NELL2: variants seen among roughly 807,000 people sequenced by gnomAD.
NELL2 encodes neural EGFL like 2, also known as protein kinase C-binding protein NELL2.
A neutral mutation model predicts 109.6 loss-of-function variants in NELL2; 41 were observed. The observed-to-expected ratio is 0.37, with a 90% CI of 0.29 to 0.49. The LOEUF (loss-of-function observed/expected upper bound fraction) is 0.49. NELL2 is among the 20% of genes least tolerant of loss of function. The pLI is 0.98. For synonymous variants in NELL2, 355 were observed against 344.7 expected (o/e 1.03, Z -0.33); for missense variants, 900 against 1,008.3 (o/e 0.89, Z 1.45).
chr12:44,808,107 T>C lies in NELL2; in HGVS notation c.335+7879A>G, dbSNP rs752548967. On this transcript the variant is annotated intron_variant, in intron 3 of 19. Coordinates refer to ENST00000429094, the MANE Select transcript of NELL2 (RefSeq NM_001145108.2). ...ACCCAAAATGTGTAATGAAAGTGAA[T>C]ATGGGCTGGTTAGTCTATGGGCTGC... Among the ~76,000 whole-genome samples, 276 of 152,138 alleles carry C rather than the reference T, an allele frequency of 1.8e-3. 5 individuals are homozygous for C. The highest frequency in any genetic ancestry group is 2.2e-4 in the Non-Finnish European group (15 of 67,962).
Position 44,622,112 on chromosome 12 carries a change from G to A in NELL2, c.1445-11142C>T, listed in dbSNP as rs1033915476. Among the ~76,000 whole-genome samples the A allele has an allele frequency of 4.6e-5, 7 of 152,220 alleles. No individual in the cohort carries two copies. In the South Asian group the frequency reaches 1.5e-3, roughly 32 times the overall value. On this transcript the variant is annotated intron_variant, in intron 13 of 19. Transcript: ENST00000429094. The stretch of plus-strand genomic sequence containing the variant: ...GATACATATGGATGAATCAATGATG[G>A]TTAGGCTCCAACAGATACAAAATCA...
At chr12:44,689,896 T>C (rs1313467138) in intron 12 of NELL2, among the ~76,000 whole-genome samples, 1 of 152,160 alleles carries the variant, frequency 6.6e-6, no homozygotes, top group East Asian at 1.9e-4. Flanking sequence ...TGAGAAACCC[T>C]GGTTAAAACA....
intron 1 of NELL2, among the ~76,000 whole-genome samples, chr12:44,902,561 T>A (rs1364688010): frequency 6.6e-6 from 1 of 152,112 alleles, no homozygotes; most frequent in Non-Finnish European, 1.5e-5. Context: ...ACTTTAAATT[T>A]CATATGGAAC....
At chr12:44,620,672 C>T (rs753682000) in intron 13 of NELL2, among the ~76,000 whole-genome samples, 1 of 151,936 alleles carries the variant, frequency 6.6e-6, no homozygotes, top group Non-Finnish European at 1.5e-5. Flanking sequence ...ACCATAGACT[C>T]CTCCCTCCCT....
At chr12:44,722,795 A>T (rs1938851155) in intron 9 of NELL2, among the ~76,000 whole-genome samples, 1 of 152,196 alleles carries the variant, frequency 6.6e-6, no homozygotes, top group Non-Finnish European at 1.5e-5. Context: ...TATTACCTGG[A>T]AGTGATTTAT....
chr12:44,745,005 G>C (rs1940243655), intron 9 of NELL2, among the ~76,000 whole-genome samples: 1 of 152,144 alleles, frequency 6.6e-6, no homozygotes, highest in South Asian at 2.1e-4. Context: ...AACCAAAAAA[G>C]AGAATTTTAC....
rs541929248 is a variant in NELL2 at position 44,687,287 on chromosome 12, T to A, written c.1318+16439A>T. Among the ~76,000 whole-genome samples the A allele has an allele frequency of 9.8e-4, 150 of 152,296 alleles. 2 individuals carry two copies. The South Asian group carries it at 0.03, about 30-fold the overall frequency. On this transcript the variant is annotated intron_variant, in intron 12 of 19. Transcript: ENST00000429094. Reference sequence around the variant, plus strand: ...GCTCGCCCATGGTGCGCGCACCCACTGACCTGCGCCCACTGTCTGGCACTC... The same window carrying A: ...GCTCGCCCATGGTGCGCGCACCCACAGACCTGCGCCCACTGTCTGGCACTC...
Position 44,774,066 on chromosome 12 carries a change from ACT to A in NELL2, c.994+679_994+680del, listed in dbSNP as rs71725923. ...GGAAAAAACAGCAAAATTTTTAAACACTCTTTTTAACAAAGGTTTAAGTGAAG... is the reference window on the plus strand; with the variant it reads ...GGAAAAAACAGCAAAATTTTTAAACACTTTTTAACAAAGGTTTAAGTGAAG... On this transcript the variant is annotated intron_variant, in intron 9 of 19. Coordinates refer to ENST00000429094, the MANE Select transcript of NELL2 (RefSeq NM_001145108.2). Among the ~76,000 whole-genome samples, 1,442 of 152,214 alleles carry A rather than the reference ACT, an allele frequency of 9.5e-3. 18 individuals carry two copies. The highest frequency in any genetic ancestry group is 0.032 in the African/African-American group (1,340 of 41,524).
chr12:44,686,705 G>T (rs970417870), intron 12 of NELL2, among the ~76,000 whole-genome samples: 1 of 151,982 alleles, frequency 6.6e-6, no homozygotes, highest in Non-Finnish European at 1.5e-5. Flanking sequence ...CTGCTGGGGG[G>T]TGCCTCCCAG....
intron 9 of NELL2, among the ~76,000 whole-genome samples, chr12:44,749,234 C>A (rs1940534938): frequency 1.3e-5 from 2 of 152,128 alleles, no homozygotes; most frequent in South Asian, 4.1e-4. Context: ...GAAGTCAGTA[C>A]AGCAGGAACT....
intron 12 of NELL2, among the ~76,000 whole-genome samples, chr12:44,670,374 C>T (rs11831081): frequency 6.6e-6 from 1 of 151,628 alleles, no homozygotes; most frequent in Non-Finnish European, 1.5e-5. Flanking sequence ...TATAAAAAAA[C>T]CCCATCAAAT....
chr12:44,780,094 C>T (rs1343560127), intron 3 of NELL2, 72 bp from the exon 4 acceptor site: 11 of 1,517,864 alleles, frequency 7.2e-6, no homozygotes, highest in African/African-American at 4.1e-5. Flanking sequence ...TCTCTGTCTA[C>T]GGGATGGAAT....
chr12:44,567,807 G>GCT (rs1943717495), intron 15 of NELL2, among the ~76,000 whole-genome samples: 3 of 152,126 alleles, frequency 2.0e-5, no homozygotes, highest in Non-Finnish European at 4.4e-5. Flanking sequence ...GCCCTGATCA[G>GCT]ACAATCATCT....
chr12:44,795,643 A>C (rs986775494), intron 3 of NELL2, among the ~76,000 whole-genome samples: 1 of 152,208 alleles, frequency 6.6e-6, no homozygotes, highest in African/African-American at 2.4e-5. Context: ...CCAGGAAATA[A>C]ACAAGGCAAA....
intron 12 of NELL2, among the ~76,000 whole-genome samples, chr12:44,701,903 A>ACTTT (rs113490021): frequency 0.062 from 9,372 of 152,022 alleles, 943 homozygotes; most frequent in African/African-American, 0.21. Context: ...ATCCTTGCAA[A>ACTTT]CTTTCCTACA....
intron 19 of NELL2, among the ~76,000 whole-genome samples, chr12:44,513,533 G>A (rs1031191705): frequency 7.9e-5 from 12 of 151,858 alleles, no homozygotes; most frequent in African/African-American, 2.9e-4. Context: ...AAAAGATACA[G>A]TCATAATGAA....
At chr12:44,867,358 T>G in intron 2 of NELL2, among the ~76,000 whole-genome samples, 1 of 152,118 alleles carries the variant, frequency 6.6e-6, no homozygotes, top group Admixed American at 6.5e-5. Flanking sequence ...TACATCAAAT[T>G]AACAGAATAA....
chr12:44,885,422 T>G (rs1945459698), intron 1 of NELL2, among the ~76,000 whole-genome samples: 1 of 151,974 alleles, frequency 6.6e-6, no homozygotes, highest in Non-Finnish European at 1.5e-5. Context: ...CTGCAACTAG[T>G]AAGTGGGTTG....
chr12:44,531,904 C>T (rs1303206950), intron 16 of NELL2, among the ~76,000 whole-genome samples: 1 of 152,172 alleles, frequency 6.6e-6, no homozygotes, highest in Non-Finnish European at 1.5e-5. Context: ...TCATGGGGCT[C>T]TGCTTGCTCT....
Sources: allele counts gnomAD v4.1 joint callset (sites outside exome capture counted in the v4.1 genomes callset), GRCh38; gene constraint gnomAD v4.1.1; transcripts MANE v1.5; gene names NCBI Gene and HGNC (gene_info 2026-07-23, HGNC 2026-07-21).